Variants in IFNG-AS1 observed in about 807,000 individuals in gnomAD.
IFNG-AS1 encodes the protein IFNG antisense RNA 1 (non-protein coding).
At chr12:68,014,962 A>G (rs775621179) in intron 3 of IFNG-AS1, among the ~76,000 whole-genome samples, 1 of 152,174 alleles carries the variant, frequency 6.6e-6, no homozygotes, top group Non-Finnish European at 1.5e-5. Flanking sequence ...AATGTACTAT[A>G]CAAACAGATT....
intron 1 of IFNG-AS1, chr12:67,989,634 A>C (rs1248424824): frequency 2.0e-5 from 3 of 152,204 alleles, no homozygotes; most frequent in African/African-American, 7.2e-5. Flanking sequence ...TAAACAAATA[A>C]ATGTGTTTTC....
chr12:68,009,238 T>C (rs1054210985), intron 3 of IFNG-AS1, among the ~76,000 whole-genome samples: 8 of 152,232 alleles, frequency 5.3e-5, no homozygotes, highest in African/African-American at 1.9e-4. Context: ...CTGTATTGTC[T>C]AGGAATCAAG....
Position 67,990,337 on chromosome 12 carries a change from A to G in IFNG-AS1, n.51+758A>G, listed in dbSNP as rs887371799. On this transcript the variant is annotated intron_variant and non_coding_transcript_variant, in intron 1 of 5. Coordinates refer to ENST00000536914, the Ensembl canonical transcript of IFNG-AS1. The stretch of plus-strand genomic sequence containing the variant: ...CAAGCTTATTCAACTTAACTGGTAA[A>G]AGGGCTGCATGGGAGAATGTTTCTC... Among the ~76,000 whole-genome samples, 20 of 152,222 alleles carry G rather than the reference A, an allele frequency of 1.3e-4. 1 individual carries two copies. Among genetic ancestry groups the G allele is most frequent in the Admixed American group, 7.2e-4 (11 of 15,284 alleles).
intron 2 of IFNG-AS1, among the ~76,000 whole-genome samples, chr12:68,000,443 G>C (rs1160851760): frequency 1.3e-5 from 2 of 152,138 alleles, no homozygotes; most frequent in Non-Finnish European, 2.9e-5. Flanking sequence ...AGAGGATGGA[G>C]AATAGCTTGA....
intron 3 of IFNG-AS1, among the ~76,000 whole-genome samples, chr12:68,017,865 A>G (rs910061595): frequency 6.6e-6 from 1 of 152,172 alleles, no homozygotes; most frequent in African/African-American, 2.4e-5. Context: ...TTAATCATCT[A>G]TAAAATGGAA....
chr12:68,015,116 G>A (rs777140508), intron 3 of IFNG-AS1, among the ~76,000 whole-genome samples: 2 of 152,094 alleles, frequency 1.3e-5, no homozygotes, highest in Non-Finnish European at 2.9e-5. Flanking sequence ...AGAAGGAAGA[G>A]CTCAAAACAC....
At chr12:68,006,428 A>G (rs955992261) in intron 3 of IFNG-AS1, among the ~76,000 whole-genome samples, 1 of 152,224 alleles carries the variant, frequency 6.6e-6, no homozygotes, top group Non-Finnish European at 1.5e-5. Flanking sequence ...AATGAGTCAA[A>G]TTCTAATGAA....
At chr12:67,995,581 G>C (rs1879620982) in intron 1 of IFNG-AS1, among the ~76,000 whole-genome samples, 1 of 151,730 alleles carries the variant, frequency 6.6e-6, no homozygotes, top group Non-Finnish European at 1.5e-5. Context: ...AATTAGCCAG[G>C]CATGGTGTCA....
intron 3 of IFNG-AS1, among the ~76,000 whole-genome samples, chr12:68,011,739 G>T (rs1343871712): frequency 2.0e-5 from 3 of 152,204 alleles, no homozygotes; most frequent in Non-Finnish European, 2.9e-5. Context: ...GGCAGCCAAA[G>T]TGAGAGGATC....
intron 3 of IFNG-AS1, among the ~76,000 whole-genome samples, chr12:68,016,090 TTAACTC>T (rs1250447529): frequency 6.6e-6 from 1 of 152,160 alleles, no homozygotes; most frequent in Non-Finnish European, 1.5e-5. Flanking sequence ...CTACTGTAGA[TTAACTC>T]TATAAATTAT....
intron 3 of IFNG-AS1, among the ~76,000 whole-genome samples, chr12:68,009,213 C>T (rs1159935139): frequency 6.6e-6 from 1 of 152,190 alleles, no homozygotes; most frequent in Non-Finnish European, 1.5e-5. Flanking sequence ...AATAGTAACA[C>T]ATATTTTACT....
intron 2 of IFNG-AS1, among the ~76,000 whole-genome samples, chr12:68,000,035 C>A (rs1234381501): frequency 1.3e-5 from 2 of 152,110 alleles, no homozygotes; most frequent in African/African-American, 2.4e-5. Flanking sequence ...TAATCTGGAT[C>A]TTGGCTATAA....
chr12:68,005,777 G>A (rs1312075464), intron 2 of IFNG-AS1, among the ~76,000 whole-genome samples: 1 of 152,056 alleles, frequency 6.6e-6, no homozygotes, highest in African/African-American at 2.4e-5. Context: ...TAGAAGCAGA[G>A]GATGGAATAA....
At chr12:67,989,841 G>A (rs1197828663) in intron 1 of IFNG-AS1, among the ~76,000 whole-genome samples, 5 of 152,136 alleles carry the variant, frequency 3.3e-5, no homozygotes, top group African/African-American at 1.2e-4. Context: ...ATTTCAGGAA[G>A]CTCACAAACC....
In IFNG-AS1 at chr12:68,015,320, GA is replaced by G. The variant is rs368857014; in HGVS notation, n.242-4539del. On this transcript the variant is annotated intron_variant and non_coding_transcript_variant, in intron 3 of 5. Transcript: ENST00000536914. The stretch of plus-strand genomic sequence containing the variant: ...CTCCATAATAAAGACATAGCCAGAG[GA>G]AAGCTGCAAACAAGCCACCCCTAAA... Among the ~76,000 whole-genome samples, 718 of 152,270 alleles carry G rather than the reference GA, an allele frequency of 4.7e-3. 7 individuals carry two copies. Among genetic ancestry groups the G allele is most frequent in the African/African-American group, 0.016 (644 of 41,546 alleles).
intron 3 of IFNG-AS1, among the ~76,000 whole-genome samples, chr12:68,007,231 T>G (rs964719754): frequency 6.6e-6 from 1 of 152,174 alleles, no homozygotes; most frequent in Admixed American, 6.5e-5. Context: ...ATAGGATTAT[T>G]TTGAGAATTA....
chr12:68,010,551 C>T (rs1394592023), intron 3 of IFNG-AS1, among the ~76,000 whole-genome samples: 1 of 152,210 alleles, frequency 6.6e-6, no homozygotes, highest in South Asian at 2.1e-4. Context: ...TCATAACATG[C>T]TGCCTTCCAT....
At chr12:68,019,438 G>A (rs1880234839) in intron 3 of IFNG-AS1, among the ~76,000 whole-genome samples, 1 of 152,176 alleles carries the variant, frequency 6.6e-6, no homozygotes, top group South Asian at 2.1e-4. Flanking sequence ...AGGCAGCTGG[G>A]CTGCAGATAT....
In IFNG-AS1 at chr12:67,994,216, C is replaced by G. The variant is rs144362230; in HGVS notation, n.52-1725C>G. Among the ~76,000 whole-genome samples the G allele has an allele frequency of 9.6e-4, 146 of 152,306 alleles. 1 individual carries two copies. Among genetic ancestry groups the G allele is most frequent in the East Asian group, 3.7e-3 (19 of 5,184 alleles). On this transcript the variant is annotated intron_variant and non_coding_transcript_variant, in intron 1 of 5. Coordinates refer to ENST00000536914, the Ensembl canonical transcript of IFNG-AS1. ...CATACAGTGACAACAAGCTTCCTGC[C>G]CCTCCTTCAGAGAAGAGCCATGGCC...
Sources: gnomAD v4.1 joint callset for allele counts (sites outside exome capture counted in the v4.1 genomes callset) on GRCh38, gnomAD v4.1.1 for gene constraint, MANE v1.5 for transcripts, NCBI Gene and HGNC (gene_info 2026-07-23, HGNC 2026-07-21) for gene names.